The following CACNB2 variants were observed in gnomAD, a reference collection of about 807,000 sequenced individuals.
The protein encoded by CACNB2 is voltage-dependent L-type calcium channel subunit beta-2.
A neutral mutation model predicts 73.3 loss-of-function variants in CACNB2; 42 were observed. The ratio of observed to expected loss-of-function variants is 0.57; its 90% confidence interval spans 0.45 to 0.74. The LOEUF (loss-of-function observed/expected upper bound fraction) is 0.74. CACNB2 is among the 30% of genes least tolerant of loss of function. The pLI is 0.00. For missense variants in CACNB2, 940 were observed against 853.0 expected (o/e 1.10, Z -1.27); for synonymous variants, 348 against 310.3 (o/e 1.12, Z -1.28).
chr10:18,411,052 A>G (rs1040579000), intron 3 of CACNB2, among the ~76,000 whole-genome samples: 4 of 152,288 alleles, frequency 2.6e-5, no homozygotes, highest in Non-Finnish European at 5.9e-5. Context: ...AATATGTCAC[A>G]CATTCTTATT....
At chr10:18,210,793 C>T (rs191777941) in intron 2 of CACNB2, among the ~76,000 whole-genome samples, 46 of 152,240 alleles carry the variant, frequency 3.0e-4, no homozygotes, top group African/African-American at 1.1e-3. Context: ...AACTTAAATG[C>T]TTTTAAGTAA....
At position 18,140,660 on chromosome 10, in the gene CACNB2, C is replaced by A. The variant is rs2030281048; in HGVS notation, c.-77C>A. On this transcript the variant is annotated 5_prime_UTR_variant, in exon 1 of 14. Coordinates refer to ENST00000324631, the MANE Select transcript of CACNB2 (RefSeq NM_201596.3). ...GGGCGGCCCCCAGAGCCGATCAGAG[C>A]GCGGGGAGGCGGGGGCGAGGAGGAG... 3.8e-6 allele frequency: 5 copies of A among 1,312,034 alleles called. No homozygotes were observed. Among genetic ancestry groups the A allele is most frequent in the Non-Finnish European group, 5.4e-6 (5 of 931,202 alleles). 81.3% of individuals were successfully genotyped at this position (1,312,034 alleles called of 1,614,324 possible).
intron 3 of CACNB2, among the ~76,000 whole-genome samples, chr10:18,462,807 G>A (rs1404298097): frequency 1.3e-5 from 2 of 151,800 alleles, no homozygotes; most frequent in African/African-American, 4.8e-5. Flanking sequence ...TGCCCAGGCT[G>A]GAGTGCAGTG....
chr10:18,325,890 G>A lies in CACNB2; in HGVS notation c.214-76034G>A, dbSNP rs370239730. ...CTCCTGAGTAGCTGGGACCAGAGGC[G>A]CACACCACCATGCTCAGCTCATTTT... On this transcript the variant is annotated intron_variant, in intron 2 of 13. Coordinates refer to ENST00000324631, the MANE Select transcript of CACNB2 (RefSeq NM_201596.3). Among the ~76,000 whole-genome samples the A allele has an allele frequency of 3.0e-3, 453 of 151,700 alleles. 3 individuals carry two copies. Among genetic ancestry groups the A allele is most frequent in the African/African-American group, 0.01 (432 of 41,358 alleles).
At chr10:18,419,755 T>G (rs757639688) in intron 3 of CACNB2, among the ~76,000 whole-genome samples, 1 of 152,200 alleles carries the variant, frequency 6.6e-6, no homozygotes, top group South Asian at 2.1e-4. Flanking sequence ...GGGAGGAATG[T>G]CCCTATCTTA....
intron 2 of CACNB2, among the ~76,000 whole-genome samples, chr10:18,173,383 G>A (rs967861098): frequency 1.3e-5 from 2 of 152,184 alleles, no homozygotes; most frequent in Non-Finnish European, 2.9e-5. Flanking sequence ...ATTACCTAGT[G>A]CATGGTAAAC....
intron 5 of CACNB2, among the ~76,000 whole-genome samples, chr10:18,504,713 C>A (rs1384924935): frequency 1.3e-5 from 2 of 152,062 alleles, no homozygotes; most frequent in Non-Finnish European, 2.9e-5. Flanking sequence ...GGCGCAGTCT[C>A]GACTCACTGC....
intron 2 of CACNB2, among the ~76,000 whole-genome samples, chr10:18,276,794 G>A (rs547925548): frequency 6.6e-6 from 1 of 151,932 alleles, no homozygotes; most frequent in East Asian, 1.9e-4. Flanking sequence ...GGCCAGGCTG[G>A]TCTTGAACTC....
intron 2 of CACNB2, among the ~76,000 whole-genome samples, chr10:18,394,031 T>A (rs1409837109): frequency 6.6e-6 from 1 of 152,178 alleles, no homozygotes; most frequent in Admixed American, 6.5e-5. Context: ...AACCTCTGCC[T>A]CCCAGGTTCA....
At chr10:18,486,017 T>G (rs1478469721) in intron 3 of CACNB2, among the ~76,000 whole-genome samples, 1 of 152,118 alleles carries the variant, frequency 6.6e-6, no homozygotes, top group East Asian at 1.9e-4. Context: ...AATTTTCCTT[T>G]TATGTTATTA....
Position 18,408,343 on chromosome 10 carries a change from A to G in CACNB2, c.333+6300A>G, listed in dbSNP as rs570342927. Among the ~76,000 whole-genome samples, 52 of 148,510 alleles carry G rather than the reference A, an allele frequency of 3.5e-4. 1 individual carries two copies. In the South Asian group the frequency reaches 9.5e-3, roughly 27 times the overall value. On this transcript the variant is annotated intron_variant, in intron 3 of 13. Coordinates refer to ENST00000324631, the MANE Select transcript of CACNB2 (RefSeq NM_201596.3). ...AGCCTCTTCCTCCCGGGTTCAGGCA[A>G]TTCTCCTGCCTCAGCCTCCCGAGTA...
intron 2 of CACNB2, among the ~76,000 whole-genome samples, chr10:18,196,933 A>T (rs998834026): frequency 2.0e-5 from 3 of 151,788 alleles, no homozygotes; most frequent in Non-Finnish European, 4.4e-5. Flanking sequence ...TTTTCTTGCT[A>T]TTGTTGAATT....
chr10:18,171,116 T>G (rs1017372686), intron 2 of CACNB2, among the ~76,000 whole-genome samples: 2 of 152,188 alleles, frequency 1.3e-5, no homozygotes, highest in African/African-American at 4.8e-5. Context: ...TTGTCCATTA[T>G]GTTTAACAGC....
intron 3 of CACNB2, among the ~76,000 whole-genome samples, chr10:18,477,021 A>G (rs1258036266): frequency 3.4e-5 from 5 of 146,598 alleles, no homozygotes; most frequent in African/African-American, 1.3e-4. Flanking sequence ...TTGAATCTCA[A>G]AAAAAAAAAA....
intron 2 of CACNB2, among the ~76,000 whole-genome samples, chr10:18,211,430 T>C (rs1465616334): frequency 6.6e-6 from 1 of 152,210 alleles, no homozygotes; most frequent in Non-Finnish European, 1.5e-5. Flanking sequence ...GCTCAAAGAA[T>C]AATAAAGTAA....
rs2054009492 is a variant in CACNB2, at chr10:18,540,409, CA to C, written c.*686del. The C allele has an allele frequency of 6.6e-6, 1 of 152,382 alleles. No individual in the cohort carries two copies. The highest frequency in any genetic ancestry group is 2.4e-5 in the African/African-American group (1 of 41,384). The allele number at this position is 152,382 out of a possible 1,614,324, so 9.4% of individuals were successfully genotyped here. On this transcript the variant is annotated 3_prime_UTR_variant, in exon 14 of 14. Transcript: ENST00000324631. ...GTCAGCAGATTTGCTTTATGAATTA[CA>C]GGGACTAGAAATGCCCACATTCAGG...
chr10:18,317,190 AT>A (rs2040222844), intron 2 of CACNB2, among the ~76,000 whole-genome samples: 1 of 151,348 alleles, frequency 6.6e-6, no homozygotes, highest in Non-Finnish European at 1.5e-5. Context: ...GCTTAATCTA[AT>A]GACTTCCTTT....
At chr10:18,538,434 C>G (rs2053821146) in intron 13 of CACNB2, 69 bp downstream of exon 13, 2 of 1,394,482 alleles carry the variant, frequency 1.4e-6, no homozygotes, top group Admixed American at 1.7e-5. Flanking sequence ...ATGGTGACAC[C>G]TCTAGGATCC....
rs555488496 is a variant in CACNB2, at chr10:18,468,291, C to T, written c.334-30064C>T. 9.9e-5 allele frequency among the ~76,000 whole-genome samples: 15 copies of T among 152,142 alleles called. No homozygotes were observed. In the South Asian group the frequency reaches 2.9e-3, roughly 29 times the overall value. On this transcript the variant is annotated intron_variant, in intron 3 of 13. Coordinates refer to ENST00000324631, the MANE Select transcript of CACNB2 (RefSeq NM_201596.3). ...TGGGCAACATGGCGAAAACCCATCT[C>T]CACAAAAAACACTAAAAAAATTAGC...
Sources: gnomAD v4.1 joint callset for allele counts (sites outside exome capture counted in the v4.1 genomes callset) on GRCh38, gnomAD v4.1.1 for gene constraint, MANE v1.5 for transcripts, NCBI Gene and HGNC (gene_info 2026-07-23, HGNC 2026-07-21) for gene names.